TRABD2B: variants seen among roughly 807,000 people sequenced by gnomAD.
TRABD2B encodes metalloprotease TIKI2.
A neutral mutation model predicts 40.1 loss-of-function variants in TRABD2B; 14 were observed. The observed-to-expected ratio is 0.35, with a 90% CI of 0.23 to 0.55. TRABD2B has a LOEUF of 0.55. Among genes scored for constraint, TRABD2B ranks in the 20% least tolerant of loss-of-function variants. The pLI is 0.90. For missense variants in TRABD2B, 541 were observed against 648.6 expected (o/e 0.83, Z 1.80); for synonymous variants, 263 against 277.0 (o/e 0.95, Z 0.50).
chr1:47,985,356 T>G (rs747794470), intron 2 of TRABD2B, among the ~76,000 whole-genome samples: 1 of 152,232 alleles, frequency 6.6e-6, no homozygotes. Context: ...AGGAGCTTAA[T>G]GTCTCCTCCT....
At chr1:47,899,128 A>G (rs901030187) in intron 2 of TRABD2B, among the ~76,000 whole-genome samples, 3 of 152,150 alleles carry the variant, frequency 2.0e-5, no homozygotes, top group Non-Finnish European at 4.4e-5. Context: ...CTGTCTCTGC[A>G]TTTGTCCACT....
intron 2 of TRABD2B, among the ~76,000 whole-genome samples, chr1:47,925,630 GT>G (rs1209804468): frequency 2.0e-5 from 3 of 152,204 alleles, no homozygotes; most frequent in Non-Finnish European, 4.4e-5. Context: ...TCATGCTCTG[GT>G]TTGGTTTAAA....
Position 47,761,820 on chromosome 1 carries a change from T to A in TRABD2B, c.*4082A>T, listed in dbSNP as rs1358603376. Reference sequence around the variant, plus strand: ...GTGGAAATTATGCCACTGGTGGAACTAAGGTCTGCCTCTCTCCTTCTTTTC... The same window carrying A: ...GTGGAAATTATGCCACTGGTGGAACAAAGGTCTGCCTCTCTCCTTCTTTTC... On this transcript the variant is annotated 3_prime_UTR_variant, in exon 7 of 7. Transcript: ENST00000606738. 1 of 152,324 alleles carries A rather than the reference T, an allele frequency of 6.6e-6. No homozygotes were observed. The highest frequency in any genetic ancestry group is 1.5e-5 in the Non-Finnish European group (1 of 68,112). The allele number at this position is 152,324 out of a possible 1,614,324, so 9.4% of individuals were successfully genotyped here.
At chr1:47,922,268 G>C (rs1419322438) in intron 2 of TRABD2B, among the ~76,000 whole-genome samples, 1 of 152,186 alleles carries the variant, frequency 6.6e-6, no homozygotes, top group African/African-American at 2.4e-5. Context: ...TCTCTACCAA[G>C]AATAACAGAA....
chr1:47,808,878 G>A (rs1440542863), intron 2 of TRABD2B, among the ~76,000 whole-genome samples: 1 of 152,138 alleles, frequency 6.6e-6, no homozygotes, highest in Admixed American at 6.5e-5. Context: ...TGAGGCCCAG[G>A]TTCTAAGCTG....
chr1:47,845,003 C>T (rs1645449240), intron 2 of TRABD2B, among the ~76,000 whole-genome samples: 1 of 152,152 alleles, frequency 6.6e-6, no homozygotes, highest in Admixed American at 6.5e-5. Flanking sequence ...ACAGGTAGCA[C>T]CTTCCAAGAC....
At chr1:47,973,029 A>G (rs1645703926) in intron 2 of TRABD2B, among the ~76,000 whole-genome samples, 1 of 152,214 alleles carries the variant, frequency 6.6e-6, no homozygotes, top group African/African-American at 2.4e-5. Context: ...GACAGAGATC[A>G]TGGCTCCTGT....
chr1:47,941,041 T>C (rs970021482), intron 2 of TRABD2B, among the ~76,000 whole-genome samples: 2 of 152,142 alleles, frequency 1.3e-5, no homozygotes, highest in African/African-American at 4.8e-5. Context: ...CAAAACATCT[T>C]GTGCTTCTTC....
intron 2 of TRABD2B, among the ~76,000 whole-genome samples, chr1:47,875,883 CCT>C (rs1473905959): frequency 6.6e-6 from 1 of 151,216 alleles, no homozygotes; most frequent in African/African-American, 2.5e-5. Context: ...ACAGCCCTGG[CCT>C]CTCTGCACAC....
chr1:47,827,113 TG>T (rs1645186721), intron 2 of TRABD2B, among the ~76,000 whole-genome samples: 1 of 152,166 alleles, frequency 6.6e-6, no homozygotes, highest in Admixed American at 6.5e-5. Context: ...CGGGCCTCGC[TG>T]GGGCTGCCAG....
chr1:47,835,359 G>C (rs1557602360), intron 2 of TRABD2B, among the ~76,000 whole-genome samples: 1 of 151,930 alleles, frequency 6.6e-6, no homozygotes, highest in Non-Finnish European at 1.5e-5. Flanking sequence ...AAGGATAAAG[G>C]ATTTTGATGA....
intron 2 of TRABD2B, among the ~76,000 whole-genome samples, chr1:47,990,401 A>AT (rs1157020783): frequency 6.6e-6 from 1 of 152,110 alleles, no homozygotes; most frequent in Non-Finnish European, 1.5e-5. Flanking sequence ...CAAGCTTGTC[A>AT]TAAGATCTGG....
intron 4 of TRABD2B, among the ~76,000 whole-genome samples, chr1:47,790,701 A>G (rs967150133): frequency 6.6e-6 from 1 of 152,238 alleles, no homozygotes; most frequent in African/African-American, 2.4e-5. Context: ...GGCCTTGAGG[A>G]AGCCGTTCAT....
chr1:47,879,097 C>A (rs1644264894), intron 2 of TRABD2B, among the ~76,000 whole-genome samples: 1 of 140,196 alleles, frequency 7.1e-6, no homozygotes. Flanking sequence ...GAAGTAAGAC[C>A]TTGTCTCAAA....
chr1:47,884,595 G>T (rs1281300704), intron 2 of TRABD2B, among the ~76,000 whole-genome samples: 1 of 151,962 alleles, frequency 6.6e-6, no homozygotes, highest in African/African-American at 2.4e-5. Flanking sequence ...AGTAGCCAGG[G>T]TCATCTTTTT....
At chr1:47,872,843 CTCAGGGCTCCTGTGCCTGACAGACAA>C (rs1245079011) in intron 2 of TRABD2B, among the ~76,000 whole-genome samples, 5 of 152,126 alleles carry the variant, frequency 3.3e-5, no homozygotes, top group Non-Finnish European at 7.4e-5. Flanking sequence ...CTGTGGGGCC[CTCAGGGCTCCTGTGCCTGACAGACAA>C]TGATGTCTCC....
chr1:47,795,551 C>T (rs941358036), intron 3 of TRABD2B: 17 of 603,940 alleles, frequency 2.8e-5, no homozygotes, highest in African/African-American at 1.0e-4. Context: ...TCTGATGCTG[C>T]GTGGCACCGG....
chr1:47,955,956 TAGATGA>T (rs1645415454), intron 2 of TRABD2B, among the ~76,000 whole-genome samples: 1 of 152,214 alleles, frequency 6.6e-6, no homozygotes, highest in Admixed American at 6.5e-5. Flanking sequence ...GCTTGGCACA[TAGATGA>T]ATCTCTGTAT....
Position 47,794,712 on chromosome 1 carries a change from C to G in TRABD2B, c.862G>C (p.Ala288Pro). 6.5e-7 allele frequency: 1 copy of G among 1,536,216 alleles called. No homozygotes were observed. Among genetic ancestry groups the G allele is most frequent in the South Asian group, 1.2e-5 (1 of 83,990 alleles). Residue 288 changes from alanine to proline, a missense_variant, in exon 4 of 7, where the codon GCC (alanine) becomes CCC (proline). Transcript: ENST00000606738. ...TTLPPHEQVT[A>P]QEIDSYFRQE... ...CGGAAGTAGCTGTCAATCTCCTGGG[C>G]CGTCACCTGCTCGTGTGGCGGGAGG...
Sources: allele counts gnomAD v4.1 joint callset (sites outside exome capture counted in the v4.1 genomes callset), GRCh38; gene constraint gnomAD v4.1.1; transcripts MANE v1.5; gene names NCBI Gene and HGNC (gene_info 2026-07-23, HGNC 2026-07-21).